Variants in RBM20 observed in about 807,000 individuals in gnomAD.
RBM20 encodes the protein RNA-binding protein 20.
Under a neutral mutation model 110.1 loss-of-function variants are expected in RBM20, and 51 were observed. That is an observed-to-expected ratio of 0.46 (90% CI 0.37 to 0.59). The LOEUF is 0.59. Ranked by LOEUF, RBM20 falls within the 20% of genes least tolerant of loss-of-function variation. The pLI, the probability that RBM20 is intolerant of heterozygous loss-of-function variation, is 0.00. For synonymous variants in RBM20, 589 were observed against 618.2 expected (o/e 0.95, Z 0.70); for missense variants, 1,512 against 1,574.9 (o/e 0.96, Z 0.68).
chr10:110,708,092 G>C (rs1396291759), intron 1 of RBM20, among the ~76,000 whole-genome samples: 3 of 152,200 alleles, frequency 2.0e-5, no homozygotes, highest in Non-Finnish European at 4.4e-5. Context: ...GGATGAATGA[G>C]CATTGGCAGG....
intron 1 of RBM20, among the ~76,000 whole-genome samples, chr10:110,645,317 C>T (rs1157046143): frequency 6.6e-6 from 1 of 152,042 alleles, no homozygotes; most frequent in East Asian, 1.9e-4. Flanking sequence ...TCTTTCAGCC[C>T]GTTTGAGGAA....
In RBM20 at chr10:110,726,068, C is replaced by T. The variant is rs1731447023; in HGVS notation, c.192-54733C>T. ...CTTTACCTCTCCCTCTCTCTGGGCACCTGCCTCCTTGCTCCCCTGACGCAG... is the reference window on the plus strand; with the variant it reads ...CTTTACCTCTCCCTCTCTCTGGGCATCTGCCTCCTTGCTCCCCTGACGCAG... On this transcript the variant is annotated intron_variant, in intron 1 of 13. Coordinates refer to ENST00000369519, the MANE Select transcript of RBM20 (RefSeq NM_001134363.3). Among the ~76,000 whole-genome samples the T allele has an allele frequency of 2.6e-5, 4 of 152,144 alleles. No individual in the cohort carries two copies. In the South Asian group the frequency reaches 8.3e-4, roughly 32 times the overall value.
chr10:110,724,559 A>T (rs1843541526), intron 1 of RBM20, among the ~76,000 whole-genome samples: 1 of 152,122 alleles, frequency 6.6e-6, no homozygotes, highest in Non-Finnish European at 1.5e-5. Context: ...GGGGAGAAGC[A>T]TTGACTCCCT....
chr10:110,760,936 A>G (rs1319075954), intron 1 of RBM20, among the ~76,000 whole-genome samples: 1 of 150,650 alleles, frequency 6.6e-6, no homozygotes, highest in Admixed American at 6.6e-5. Flanking sequence ...TACTAAAAAT[A>G]CAAAAAAAAA....
At chr10:110,680,076 A>G (rs1381219849) in intron 1 of RBM20, among the ~76,000 whole-genome samples, 2 of 152,248 alleles carry the variant, frequency 1.3e-5, no homozygotes, top group Non-Finnish European at 2.9e-5. Flanking sequence ...ATTAAAAACA[A>G]TGAAACCCAG....
At chr10:110,651,571 A>G (rs1192642728) in intron 1 of RBM20, among the ~76,000 whole-genome samples, 2 of 152,226 alleles carry the variant, frequency 1.3e-5, no homozygotes, top group Non-Finnish European at 2.9e-5. Flanking sequence ...GGATTGTGTT[A>G]AACACAGGCC....
At chr10:110,784,513 A>G in intron 4 of RBM20, 81 bp downstream of exon 4, 4 of 1,050,518 alleles carry the variant, frequency 3.8e-6, no homozygotes, top group Non-Finnish European at 5.8e-6. Context: ...TTTAATAACC[A>G]GGACTTCCCT....
At chr10:110,700,963 C>T (rs1345086432) in intron 1 of RBM20, among the ~76,000 whole-genome samples, 6 of 152,070 alleles carry the variant, frequency 3.9e-5, no homozygotes, top group Admixed American at 1.3e-4. Context: ...TGCAGTGAGC[C>T]GAGTTCATGC....
chr10:110,764,129 AAAG>A (rs1844046840), intron 1 of RBM20, among the ~76,000 whole-genome samples: 1 of 152,224 alleles, frequency 6.6e-6, no homozygotes, highest in Non-Finnish European at 1.5e-5. Context: ...CCACAAAAAT[AAAG>A]AAGGGCAAGT....
chr10:110,684,240 C>T (rs965724158), intron 1 of RBM20, among the ~76,000 whole-genome samples: 4 of 151,946 alleles, frequency 2.6e-5, no homozygotes, highest in Non-Finnish European at 4.4e-5. Context: ...ACTAAAAATA[C>T]AAAAATTAGC....
chr10:110,735,967 C>T (rs983182447), intron 1 of RBM20, among the ~76,000 whole-genome samples: 1 of 152,208 alleles, frequency 6.6e-6, no homozygotes, highest in Non-Finnish European at 1.5e-5. Context: ...GTATCTCCCA[C>T]CCATCTCCCT....
At chr10:110,701,368 G>T (rs536636812) in intron 1 of RBM20, among the ~76,000 whole-genome samples, 1 of 152,050 alleles carries the variant, frequency 6.6e-6, no homozygotes, top group South Asian at 2.1e-4. Context: ...AACCCATAAA[G>T]TCCGGTCCTA....
chr10:110,809,796 A>G (rs1444267347), intron 7 of RBM20, among the ~76,000 whole-genome samples: 1 of 152,222 alleles, frequency 6.6e-6, no homozygotes, highest in Non-Finnish European at 1.5e-5. Context: ...ACCTGGTGTC[A>G]GGTCCTGATT....
chr10:110,769,894 AT>A (rs1427687434), intron 1 of RBM20, among the ~76,000 whole-genome samples: 4 of 151,912 alleles, frequency 2.6e-5, no homozygotes, highest in South Asian at 2.1e-4. Context: ...AATCTAAAAA[AT>A]TTTTTTAGAG....
chr10:110,707,842 G>A (rs994013741), intron 1 of RBM20, among the ~76,000 whole-genome samples: 33 of 152,252 alleles, frequency 2.2e-4, no homozygotes, highest in Non-Finnish European at 4.1e-4. Context: ...ATAGTGCCGC[G>A]GGATGACGAT....
At chr10:110,763,670 A>G (rs1844037589) in intron 1 of RBM20, among the ~76,000 whole-genome samples, 1 of 151,528 alleles carries the variant, frequency 6.6e-6, no homozygotes, top group Non-Finnish European at 1.5e-5. Flanking sequence ...TCGGAAGAAA[A>G]GTTACATTTC....
At chr10:110,735,920 C>T (rs1843665843) in intron 1 of RBM20, among the ~76,000 whole-genome samples, 1 of 152,184 alleles carries the variant, frequency 6.6e-6, no homozygotes, top group Non-Finnish European at 1.5e-5. Flanking sequence ...GTGAAAGGCT[C>T]TGGAATTTAA....
At chr10:110,717,149 G>C (rs1275121099) in intron 1 of RBM20, among the ~76,000 whole-genome samples, 1 of 152,090 alleles carries the variant, frequency 6.6e-6, no homozygotes, top group Non-Finnish European at 1.5e-5. Context: ...GGACAGAACT[G>C]TGTGCTGCCT....
At chr10:110,830,162 G>T (rs1297769004) in intron 12 of RBM20, among the ~76,000 whole-genome samples, 1 of 152,218 alleles carries the variant, frequency 6.6e-6, no homozygotes, top group Non-Finnish European at 1.5e-5. Context: ...CCCTCTCAGA[G>T]CTGGGCTCTT....
Sources: allele counts gnomAD v4.1 joint callset (sites outside exome capture counted in the v4.1 genomes callset), GRCh38; gene constraint gnomAD v4.1.1; transcripts MANE v1.5; gene names NCBI Gene and HGNC (gene_info 2026-07-23, HGNC 2026-07-21).